Variants in BST1 observed in about 807,000 individuals in gnomAD.
The protein encoded by BST1 is bone marrow stromal cell antigen 1, also known as ADP-ribosyl cyclase/cyclic ADP-ribose hydrolase 2.
BST1 carries 49 observed loss-of-function variants against 40.6 expected under a neutral mutation model. The ratio of observed to expected loss-of-function variants is 1.21; its 90% confidence interval spans 0.96 to 1.53. The LOEUF (loss-of-function observed/expected upper bound fraction) is 1.53, where lower values mean the gene tolerates loss of function less well. Among genes scored for constraint, BST1 ranks in the 40% most tolerant of loss-of-function variants. BST1 has a pLI of 0.00. For missense variants in BST1, 423 were observed against 395.9 expected (o/e 1.07, Z -0.58); for synonymous variants, 157 against 159.3 (o/e 0.99, Z 0.11).
At chr4:15,749,708 T>A in the BST1 span, among the ~76,000 whole-genome samples, 2,120 of 152,244 alleles carry the variant, frequency 0.014, 55 homozygotes, top group African/African-American at 0.048. Context: ...TTTTGTGGGC[T>A]CATAGTAGCA....
In BST1 at chr4:15,703,301, G is replaced by A. The variant is rs184852747; in HGVS notation, c.157G>A (p.Glu53Lys). Residue 53 changes from glutamate (E) to lysine (K), a missense_variant, in exon 1 of 9, where the codon GAG becomes AAG. Physicochemically the swap from Glu to Lys is moderately conservative, Grantham distance 56. Transcript: ENST00000265016. ...LRDIFLGRCA[E>K]YRALLSPEQR... is the part of the protein sequence containing the mutation. ...GGACATCTTCCTGGGCCGCTGCGCC[G>A]AGTACCGCGCACTGCTGAGTCCCGA... 9.8e-6 allele frequency: 15 copies of A among 1,529,496 alleles called. No homozygotes were observed. The highest frequency in any genetic ancestry group is 7.2e-5 in the South Asian group (6 of 83,868). The allele number at this position is 1,529,496 out of a possible 1,614,324, so 94.7% of individuals were successfully genotyped here.
At chr4:15,756,585 C>T in the BST1 span, among the ~76,000 whole-genome samples, 1 of 152,180 alleles carries the variant, frequency 6.6e-6, no homozygotes, top group Non-Finnish European at 1.5e-5. Context: ...GGACGTGTTG[C>T]ATATAACTAG....
chr4:15,725,943 CG>C (rs1560286336), intron 8 of BST1, among the ~76,000 whole-genome samples: 3 of 123,594 alleles, frequency 2.4e-5, no homozygotes, highest in African/African-American at 8.8e-5. Flanking sequence ...TTGTGAAGTG[CG>C]GTCTTTTTTT....
chr4:15,729,460 G>GAATAAT, intron 8 of BST1, among the ~76,000 whole-genome samples: 1 of 151,860 alleles, frequency 6.6e-6, no homozygotes, highest in South Asian at 2.1e-4. Flanking sequence ...CTGTCTCAAA[G>GAATAAT]AATAATAATA....
rs758443910 is a variant in BST1 at position 15,716,104 on chromosome 4, A to G, written c.704+305A>G. On this transcript the variant is annotated intron_variant, in intron 6 of 8. Coordinates refer to ENST00000265016, the MANE Select transcript of BST1 (RefSeq NM_004334.3). Reference sequence around the variant, plus strand: ...TTATGCATTTGTGAGGGTCTAAGCCAGTTTCTCCTTCTGGTCATTTGAAAT... The same window carrying G: ...TTATGCATTTGTGAGGGTCTAAGCCGGTTTCTCCTTCTGGTCATTTGAAAT... Among the ~76,000 whole-genome samples, 17 of 152,168 alleles carry G rather than the reference A, an allele frequency of 1.1e-4. 1 individual carries two copies. Among genetic ancestry groups the G allele is most frequent in the Admixed American group, 1.1e-3 (17 of 15,272 alleles).
Position 15,707,577 on chromosome 4 carries a change from C to T in BST1, c.382C>T (p.Pro128Ser), listed in dbSNP as rs556998370. Residue 128 changes from proline (P) to serine (S), a missense_variant, in exon 3 of 9, where the codon CCC becomes TCC. Physicochemically the swap from Pro to Ser is moderately conservative, Grantham distance 74. Coordinates refer to ENST00000265016, the MANE Select transcript of BST1 (RefSeq NM_004334.3). ...TGCAGACAACACCCGTCGTTTTATG[C>T]CCCTGAGCGATGTTCTGTATGGCAG... ...SFADNTRRFM[P>S]LSDVLYGRVA... The T allele has an allele frequency of 6.2e-7, 1 of 1,613,922 alleles. No individual in the cohort carries two copies. Among genetic ancestry groups the T allele is most frequent in the Non-Finnish European group, 8.5e-7 (1 of 1,179,930 alleles).
chr4:15,743,805 G>T, the BST1 span, among the ~76,000 whole-genome samples: 1 of 152,204 alleles, frequency 6.6e-6, no homozygotes, highest in Non-Finnish European at 1.5e-5. Context: ...TGTGAGTCAT[G>T]AGCTCCCAGG....
the BST1 span, among the ~76,000 whole-genome samples, chr4:15,750,779 A>G: frequency 6.6e-6 from 1 of 152,236 alleles, no homozygotes; most frequent in Admixed American, 6.5e-5. Flanking sequence ...TAATTAAAAT[A>G]TATTTTAACA....
chr4:15,719,834 C>A (rs1470565786), intron 7 of BST1, among the ~76,000 whole-genome samples: 1 of 152,210 alleles, frequency 6.6e-6, no homozygotes, highest in Non-Finnish European at 1.5e-5. Flanking sequence ...ACCACTCCCT[C>A]CCACTCCATG....
downstream of BST1, among the ~76,000 whole-genome samples, chr4:15,734,891 A>G (rs1721500970): frequency 6.6e-6 from 1 of 152,188 alleles, no homozygotes; most frequent in Non-Finnish European, 1.5e-5. Context: ...CCACGCTCAG[A>G]AGGGTTAAGG....
Position 15,718,908 on chromosome 4 carries a change from G to T in BST1, c.706G>T (p.Glu236Ter). The T allele has an allele frequency of 6.2e-7, 1 of 1,613,574 alleles. No homozygotes were observed. The highest frequency in any genetic ancestry group is 1.7e-4 in the Middle Eastern group (1 of 6,058). The stretch of plus-strand genomic sequence containing the variant: ...TAATTATATATTTTCATGTTTTAGG[G>T]AATCCTGCGGGGAAGGCAGCATGAA... ...VMHEIGGPNV[E>*]SCGEGSMKVL... is the part of the protein sequence containing the mutation. The change falls in exon 7 of 9, where the codon GAA becomes TAA. Residue 236 changes from glutamate to a stop codon, truncating the protein, a stop_gained and splice_region_variant. Coordinates refer to ENST00000265016, the MANE Select transcript of BST1 (RefSeq NM_004334.3). LOFTEE classifies it high-confidence loss of function.
At chr4:15,759,855 A>C in the BST1 span, among the ~76,000 whole-genome samples, 1 of 151,946 alleles carries the variant, frequency 6.6e-6, no homozygotes, top group East Asian at 1.9e-4. Flanking sequence ...GGCTATCTTC[A>C]TATCAGAACC....
rs1721403007 is a variant in BST1 at position 15,732,200 on chromosome 4, C to T, written c.*355C>T. 1.1e-6 allele frequency: 1 copy of T among 884,924 alleles called. No individual in the cohort carries two copies. The highest frequency in any genetic ancestry group is 1.8e-5 in the African/African-American group (1 of 55,500). The allele number at this position is 884,924 out of a possible 1,614,324, so 54.8% of individuals were successfully genotyped here. A position where few individuals can be genotyped will look rare whatever the true frequency, so the allele number is the denominator to read the frequency against. On this transcript the variant is annotated 3_prime_UTR_variant, in exon 9 of 9. Transcript: ENST00000265016. ...CTATATTTTCCTATATCTCCAGCAG[C>T]ACGGACACTGCATGCTTGTTGATTG...
At chr4:15,724,450 G>T (rs1405975100) in intron 8 of BST1, among the ~76,000 whole-genome samples, 3 of 152,226 alleles carry the variant, frequency 2.0e-5, no homozygotes, top group Non-Finnish European at 4.4e-5. Flanking sequence ...ACTTTGGGAG[G>T]CTGAGGCGGG....
chr4:15,760,313 G>A, the BST1 span, among the ~76,000 whole-genome samples: 1 of 151,032 alleles, frequency 6.6e-6, no homozygotes, highest in African/African-American at 2.4e-5. Flanking sequence ...ATCACATTTT[G>A]TTTATCCATT....
chr4:15,704,428 A>G (rs1294874034), intron 1 of BST1, among the ~76,000 whole-genome samples: 3 of 125,362 alleles, frequency 2.4e-5, no homozygotes, highest in Non-Finnish European at 5.0e-5. Context: ...TCTAGAGGTG[A>G]GTTGTGTGTG....
chr4:15,704,883 T>G (rs748542640), intron 1 of BST1: 1 of 741,246 alleles, frequency 1.3e-6, no homozygotes, highest in Non-Finnish European at 2.5e-6. Flanking sequence ...TGTGATGTCT[T>G]TCTTGTGCTG....
chr4:15,707,967 G>C (rs943167501), intron 3 of BST1, among the ~76,000 whole-genome samples: 3 of 151,374 alleles, frequency 2.0e-5, no homozygotes, highest in African/African-American at 7.3e-5. Flanking sequence ...AACCTCATGG[G>C]ATCCTATCAT....
intron 8 of BST1, among the ~76,000 whole-genome samples, chr4:15,729,413 T>C (rs9790554): frequency 0.087 from 13,248 of 152,162 alleles, 1,215 homozygotes; most frequent in East Asian, 0.52. Flanking sequence ...GCTGTAGTCA[T>C]GCCACTGCAC....
Sources: allele counts gnomAD v4.1 joint callset (sites outside exome capture counted in the v4.1 genomes callset), GRCh38; gene constraint gnomAD v4.1.1; transcripts MANE v1.5; gene names NCBI Gene and HGNC (gene_info 2026-07-23, HGNC 2026-07-21).